TDRP: variants seen among roughly 807,000 people sequenced by gnomAD.
The protein encoded by TDRP is testis development related protein.
Under a neutral mutation model 10.5 loss-of-function variants are expected in TDRP, and 12 were observed. The ratio of observed to expected loss-of-function variants is 1.15; its 90% CI spans 0.73 to 1.86. The LOEUF is 1.86. Ranked by LOEUF, TDRP falls within the 40% of genes most tolerant of loss-of-function variation. The pLI is 0.00. For synonymous variants in TDRP, 139 were observed against 95.4 expected (o/e 1.46, Z -2.67); for missense variants, 353 against 229.2 (o/e 1.54, Z -3.49).
rs544898907 is a variant in TDRP at position 521,787 on chromosome 8, G to T, written c.108+22863C>A. 4.6e-5 allele frequency among the ~76,000 whole-genome samples: 7 copies of T among 152,258 alleles called. No individual in the cohort carries two copies. In the East Asian group the frequency reaches 1.3e-3, roughly 29 times the overall value. On this transcript the variant is annotated intron_variant, in intron 1 of 2. Coordinates refer to ENST00000324079, the MANE Select transcript of TDRP (RefSeq NM_001384899.1). The stretch of plus-strand genomic sequence containing the variant: ...CTACTTCAGCAAAAAAAATGCCAAT[G>T]AGATTTGCATTGAACCAGTGGATTG...
chr8:534,297 T>C (rs991739276), intron 1 of TDRP, among the ~76,000 whole-genome samples: 2 of 152,230 alleles, frequency 1.3e-5, no homozygotes, highest in African/African-American at 2.4e-5. Flanking sequence ...CACAGTCAAT[T>C]AGCAAATACT....
At chr8:527,826 G>C (rs879051703) in intron 1 of TDRP, among the ~76,000 whole-genome samples, 1 of 152,080 alleles carries the variant, frequency 6.6e-6, no homozygotes. Context: ...GAAAACATCA[G>C]GGAAACTCTC....
intron 2 of TDRP, 38 bp from the exon 3 acceptor site, chr8:492,782 G>C: frequency 6.9e-7 from 1 of 1,452,998 alleles, no homozygotes; most frequent in Non-Finnish European, 9.3e-7. Flanking sequence ...GGTGACCCAG[G>C]TCTTAGGGCC....
At chr8:522,967 G>A (rs565283837) in intron 1 of TDRP, among the ~76,000 whole-genome samples, 16 of 152,038 alleles carry the variant, frequency 1.1e-4, no homozygotes, top group East Asian at 7.7e-4. Flanking sequence ...TTTTTTAATC[G>A]ATTAAACCAC....
chr8:508,046 CAGA>C (rs368784349), intron 1 of TDRP, among the ~76,000 whole-genome samples: 28 of 152,212 alleles, frequency 1.8e-4, no homozygotes, highest in African/African-American at 6.7e-4. Flanking sequence ...GTGGATTTAA[CAGA>C]AGAAGACTTC....
At chr8:501,182 G>A (rs1290732958) in intron 1 of TDRP, among the ~76,000 whole-genome samples, 6 of 151,452 alleles carry the variant, frequency 4.0e-5, no homozygotes, top group Non-Finnish European at 7.4e-5. Flanking sequence ...CTCCAGCCTG[G>A]GCGACAGAGT....
At position 492,474 on chromosome 8, in the gene TDRP, G is replaced by T; in HGVS notation, c.483C>A (p.Arg161=). The T allele has an allele frequency of 6.2e-7, 1 of 1,606,760 alleles. No homozygotes were observed. Among genetic ancestry groups the T allele is most frequent in the Non-Finnish European group, 8.5e-7 (1 of 1,174,768 alleles). ...SSANSSRWSL[R]AAGRLVSIRR... is the part of the protein sequence containing the mutation. ...GGATGCTCACCAGCCTCCCTGCCGC[G>T]CGCAGGCTCCACCTGGAGCTGTTGG... The change falls in exon 3 of 3, where the codon CGC becomes CGA. Residue 161 remains arginine, a synonymous_variant. Coordinates refer to ENST00000324079, the MANE Select transcript of TDRP (RefSeq NM_001384899.1).
intron 1 of TDRP, among the ~76,000 whole-genome samples, chr8:515,368 A>T (rs28440887): frequency 0.17 from 26,182 of 152,246 alleles, 2,458 homozygotes; most frequent in East Asian, 0.25. Context: ...TAGCACACTG[A>T]AAGTACAGTT....
At chr8:542,224 G>C (rs984891396) in intron 1 of TDRP, among the ~76,000 whole-genome samples, 1 of 152,166 alleles carries the variant, frequency 6.6e-6, no homozygotes, top group African/African-American at 2.4e-5. Flanking sequence ...ACAGTACAAA[G>C]ATCAATGTTT....
intron 1 of TDRP, among the ~76,000 whole-genome samples, chr8:501,339 G>A (rs556985711): frequency 6.6e-6 from 1 of 151,814 alleles, no homozygotes; most frequent in Admixed American, 6.6e-5. Context: ...AAATTTCCTG[G>A]TATACTTCTT....
chr8:499,995 C>A (rs546445717), intron 1 of TDRP, among the ~76,000 whole-genome samples: 4 of 152,298 alleles, frequency 2.6e-5, no homozygotes, highest in African/African-American at 4.8e-5. Flanking sequence ...AACCTAAACA[C>A]CTCTTGAGGA....
chr8:525,036 C>T (rs1802001393), intron 1 of TDRP, among the ~76,000 whole-genome samples: 1 of 151,966 alleles, frequency 6.6e-6, no homozygotes, highest in African/African-American at 2.4e-5. Context: ...CTCCTAAAGA[C>T]CAAAGATAAA....
At chr8:507,579 C>G (rs958795970) in intron 1 of TDRP, among the ~76,000 whole-genome samples, 1 of 152,174 alleles carries the variant, frequency 6.6e-6, no homozygotes, top group African/African-American at 2.4e-5. Context: ...CCTCCATCAT[C>G]CCAGGTAAGA....
At chr8:532,857 G>C (rs1053556099) in intron 1 of TDRP, among the ~76,000 whole-genome samples, 14 of 66,928 alleles carry the variant, frequency 2.1e-4, no homozygotes, top group African/African-American at 4.0e-4. Flanking sequence ...TCATTTACAA[G>C]TTGCCTACGG....
intron 1 of TDRP, among the ~76,000 whole-genome samples, chr8:527,108 C>G (rs1168008284): frequency 6.6e-6 from 1 of 151,770 alleles, no homozygotes; most frequent in African/African-American, 2.4e-5. Context: ...AATCAACAGA[C>G]CAAAAACACT....
intron 1 of TDRP, among the ~76,000 whole-genome samples, chr8:524,882 A>G (rs7015340): frequency 0.69 from 105,221 of 151,938 alleles, 36,818 homozygotes; most frequent in African/African-American, 0.74. Flanking sequence ...ACGAGAGAGA[A>G]GGGTAGAAAG....
intron 1 of TDRP, among the ~76,000 whole-genome samples, chr8:522,332 T>G (rs1209677443): frequency 3.3e-5 from 5 of 152,080 alleles, no homozygotes; most frequent in Admixed American, 6.5e-5. Flanking sequence ...AAAAACTCAG[T>G]TGTATGTAAG....
At chr8:523,343 A>G (rs1050651685) in intron 1 of TDRP, among the ~76,000 whole-genome samples, 1 of 152,246 alleles carries the variant, frequency 6.6e-6, no homozygotes, top group East Asian at 1.9e-4. Flanking sequence ...ATGGAGGTGG[A>G]GTAAGATGGC....
chr8:525,012 T>C (rs892221912), intron 1 of TDRP, among the ~76,000 whole-genome samples: 3 of 152,110 alleles, frequency 2.0e-5, no homozygotes, highest in African/African-American at 7.2e-5. Flanking sequence ...ACTTCAAGGC[T>C]TTTACTAATC....
Sources: gnomAD v4.1 joint callset for allele counts (sites outside exome capture counted in the v4.1 genomes callset) on GRCh38, gnomAD v4.1.1 for gene constraint, MANE v1.5 for transcripts, NCBI Gene and HGNC (gene_info 2026-07-23, HGNC 2026-07-21) for gene names.